Variants in CPS1 observed in about 807,000 individuals in gnomAD.
CPS1 encodes carbamoyl-phosphate synthase [ammonia], mitochondrial.
In CPS1, 109 loss-of-function variants were observed where a neutral mutation model predicts 174.6. That is an observed-to-expected ratio of 0.62 (90% CI 0.53 to 0.73). The LOEUF (loss-of-function observed/expected upper bound fraction) is 0.73. Ranked by LOEUF, CPS1 falls within the 30% of genes least tolerant of loss-of-function variation. The pLI is 0.00. For synonymous variants in CPS1, 637 were observed against 632.0 expected, an observed-to-expected ratio of 1.01 and a Z score of -0.12; for missense variants, 1,689 against 1,821.9, an observed-to-expected ratio of 0.93 and a Z score of 1.33.
chr2:210,633,949 T>C (rs528797432), intron 21 of CPS1, among the ~76,000 whole-genome samples: 1 of 152,214 alleles, frequency 6.6e-6, no homozygotes, highest in East Asian at 1.9e-4. Flanking sequence ...TCTTCAGAGT[T>C]AGGATTTTAG....
intron 6 of CPS1, among the ~76,000 whole-genome samples, chr2:210,586,560 A>C (rs1698115927): frequency 6.6e-6 from 1 of 152,076 alleles, no homozygotes; most frequent in South Asian, 2.1e-4. Context: ...GCAAGGTTGC[A>C]AAATGCTGCA....
At chr2:210,554,657 A>G (rs1559073779), upstream of CPS1, among the ~76,000 whole-genome samples, 1 of 152,008 alleles carries the variant, frequency 6.6e-6, no homozygotes, top group Non-Finnish European at 1.5e-5. Context: ...AGTTTCCATT[A>G]GTGGGTGCAG....
At position 210,677,942 on chromosome 2, in the gene CPS1, G is replaced by A. The variant is rs1701585420; in HGVS notation, c.4460G>A (p.Ser1487Asn). ...AAATCTCGCAAGGTGGACTCCAAGA[G>A]TCTTTTCCACTACAGGCAGTACAGT... is the stretch of plus-strand genomic sequence containing the variant. Reference protein sequence around the residue: ...VQKSRKVDSKSLFHYRQYSAG... With the variant: ...VQKSRKVDSKNLFHYRQYSAG... Residue 1487 changes from serine to asparagine, a missense_variant, in exon 38 of 38, where the codon AGT (serine) becomes AAT (asparagine). By Grantham distance (46) the Ser-to-Asn change is conservative. Coordinates refer to ENST00000233072, the MANE Select transcript of CPS1 (RefSeq NM_001875.5). 1.2e-6 allele frequency: 2 copies of A among 1,614,086 alleles called. No homozygotes were observed. The highest frequency in any genetic ancestry group is 1.7e-6 in the Non-Finnish European group (2 of 1,179,974).
intron 11 of CPS1, chr2:210,593,478 T>C: frequency 1.0e-6 from 1 of 991,044 alleles, no homozygotes; most frequent in Non-Finnish European, 1.2e-6. Context: ...CAAGGAATGC[T>C]TAGAGGAGTT....
intron 31 of CPS1, among the ~76,000 whole-genome samples, chr2:210,659,589 C>G (rs1482171350): frequency 6.6e-6 from 1 of 152,140 alleles, no homozygotes; most frequent in Non-Finnish European, 1.5e-5. Flanking sequence ...TGGGGACAAA[C>G]CACATCCAGA....
chr2:210,577,588 G>A lies in CPS1; in HGVS notation c.471+78G>A, dbSNP rs1400320261. On this transcript the variant is annotated intron_variant, in intron 4 of 37. Transcript: ENST00000233072. ...CCTGTAGATTCAGAAGTGCCAAGCA[G>A]ACAGAGGAAGATCATGTAGTTTGGG... The A allele has an allele frequency of 4.0e-6, 4 of 995,934 alleles. No homozygotes were observed. In the African/African-American group the frequency reaches 4.8e-5, roughly 12 times the overall value. The allele number at this position is 995,934 out of a possible 1,614,324, so 61.7% of individuals were successfully genotyped here. A position where few individuals can be genotyped will look rare whatever the true frequency, so the allele number is the denominator to read the frequency against.
intron 33 of CPS1, among the ~76,000 whole-genome samples, chr2:210,665,790 G>C (rs1574661730): frequency 6.7e-6 from 1 of 148,300 alleles, no homozygotes; most frequent in East Asian, 2.0e-4. Context: ...AAACATACGT[G>C]TGCATGTGTC....
At chr2:210,487,005 T>TATTTATTTATTTATTTA (rs1694749255) in intron 1 of CPS1, among the ~76,000 whole-genome samples, 1 of 151,832 alleles carries the variant, frequency 6.6e-6, no homozygotes, top group African/African-American at 2.4e-5. Flanking sequence ...TTTATTTATT[T>TATTTATTTATTTATTTA]TTTGCTTGCT....
intron 1 of CPS1, among the ~76,000 whole-genome samples, chr2:210,560,594 G>A (rs752767638): frequency 6.6e-6 from 1 of 152,078 alleles, no homozygotes; most frequent in Non-Finnish European, 1.5e-5. Context: ...CTACGAATGA[G>A]CACTGGTAGT....
chr2:210,596,826 T>G (rs914977083), intron 13 of CPS1, among the ~76,000 whole-genome samples: 3 of 151,902 alleles, frequency 2.0e-5, no homozygotes, highest in African/African-American at 7.2e-5. Context: ...TATTTTAATG[T>G]GTTTTACATC....
At chr2:210,582,019 A>C (rs1462267415) in intron 5 of CPS1, among the ~76,000 whole-genome samples, 1 of 152,176 alleles carries the variant, frequency 6.6e-6, no homozygotes, top group Admixed American at 6.6e-5. Flanking sequence ...TCAAGCTAGC[A>C]AGGATAGTTT....
In CPS1 at chr2:210,599,262, G is replaced by C. The variant is rs6743156; in HGVS notation, c.1360-110G>C. On this transcript the variant is annotated intron_variant, in intron 13 of 37. Coordinates refer to ENST00000233072, the MANE Select transcript of CPS1 (RefSeq NM_001875.5). ...CACTAGTCCTGTTACGGATCTCTAC[G>C]GCCCACAGATAACCTAAAAGCTTAG... The C allele has an allele frequency of 4.3e-6, 4 of 930,978 alleles. No individual in the cohort carries two copies. The African/African-American group carries it at 4.9e-5, about 11-fold the overall frequency. 57.7% of individuals were successfully genotyped at this position (930,978 alleles called of 1,614,324 possible).
At chr2:210,574,862 C>T (rs2106076183) in intron 2 of CPS1, among the ~76,000 whole-genome samples, 2 of 105,620 alleles carry the variant, frequency 1.9e-5, no homozygotes, top group South Asian at 6.5e-4. Context: ...GAAGTAAAAT[C>T]AAATTAATTA....
chr2:210,543,470 G>T (rs1242581669), intron 1 of CPS1, among the ~76,000 whole-genome samples: 1 of 151,810 alleles, frequency 6.6e-6, no homozygotes, highest in East Asian at 1.9e-4. Context: ...GTTCCTTCTG[G>T]CTGGGGTGCT....
At chr2:210,524,651 T>C (rs762185521) in intron 1 of CPS1, among the ~76,000 whole-genome samples, 1 of 151,958 alleles carries the variant, frequency 6.6e-6, no homozygotes, top group African/African-American at 2.4e-5. Context: ...CTCCCTTAGC[T>C]AATTCATGGA....
intron 20 of CPS1, 37 bp downstream of exon 20, chr2:210,612,330 T>G (rs1394774522): frequency 7.5e-6 from 12 of 1,606,452 alleles, no homozygotes; most frequent in African/African-American, 1.3e-5. Context: ...TACTAGTTGC[T>G]TTTCCAGAAT....
At chr2:210,652,198 C>T (rs943484727) in intron 28 of CPS1, among the ~76,000 whole-genome samples, 3 of 152,176 alleles carry the variant, frequency 2.0e-5, no homozygotes, top group African/African-American at 7.2e-5. Flanking sequence ...ACTGATAAAG[C>T]ATTCCTTATA....
intron 1 of CPS1, among the ~76,000 whole-genome samples, chr2:210,528,032 G>A (rs907053018): frequency 2.0e-5 from 3 of 151,858 alleles, no homozygotes; most frequent in Non-Finnish European, 2.9e-5. Context: ...CGCAGTAACC[G>A]AATATATAGG....
intron 21 of CPS1, among the ~76,000 whole-genome samples, chr2:210,621,861 A>G (rs1352885782): frequency 6.6e-6 from 1 of 152,052 alleles, no homozygotes; most frequent in African/African-American, 2.4e-5. Flanking sequence ...GATAATAATC[A>G]CAAAAATTTT....
Sources: gnomAD v4.1 joint callset for allele counts (sites outside exome capture counted in the v4.1 genomes callset) on GRCh38, gnomAD v4.1.1 for gene constraint, MANE v1.5 for transcripts, NCBI Gene and HGNC (gene_info 2026-07-23, HGNC 2026-07-21) for gene names.